Variants in RNF217 observed in about 807,000 individuals in gnomAD.
RNF217 encodes the protein ring finger protein 217.
A neutral mutation model predicts 57.8 loss-of-function variants in RNF217; 31 were observed. That is an observed-to-expected ratio of 0.54 (90% CI 0.40 to 0.72). RNF217 has a LOEUF of 0.72. Among genes scored for constraint, RNF217 ranks in the 30% least tolerant of loss-of-function variants. The pLI, the probability that RNF217 is intolerant of heterozygous loss-of-function variation, is 0.00. For synonymous variants in RNF217, 313 were observed against 294.0 expected (o/e 1.06, Z -0.66); for missense variants, 696 against 708.3 (o/e 0.98, Z 0.20).
chr6:124,976,105 C>G (rs1783945652), intron 1 of RNF217, among the ~76,000 whole-genome samples: 1 of 152,024 alleles, frequency 6.6e-6, no homozygotes, highest in Non-Finnish European at 1.5e-5. Context: ...TATACATAGA[C>G]ATATGTATAC....
At chr6:124,966,895 A>G (rs559978575) in intron 1 of RNF217, among the ~76,000 whole-genome samples, 5 of 152,368 alleles carry the variant, frequency 3.3e-5, no homozygotes, top group Admixed American at 6.5e-5. Context: ...TGCTCTGTAT[A>G]AAATTATAGT....
intron 5 of RNF217, 107 bp from the exon 6 acceptor site, chr6:125,082,756 TC>T (rs1241554648): frequency 1.7e-6 from 2 of 1,144,566 alleles, no homozygotes; most frequent in East Asian, 4.8e-5. Context: ...ATAGATGTCT[TC>T]TTCTTTGTAT....
intron 5 of RNF217, 116 bp downstream of exon 5, chr6:125,081,623 C>A: frequency 1.3e-6 from 1 of 798,454 alleles, no homozygotes; most frequent in Non-Finnish European, 2.0e-6. Flanking sequence ...ATGTTGTATG[C>A]CTGCTTTAGA....
intron 3 of RNF217, among the ~76,000 whole-genome samples, chr6:125,061,758 A>G (rs1787742429): frequency 6.6e-6 from 1 of 151,824 alleles, no homozygotes; most frequent in South Asian, 2.1e-4. Flanking sequence ...ACATATTTTT[A>G]TATATTTACA....
intron 1 of RNF217, among the ~76,000 whole-genome samples, chr6:125,038,846 A>C (rs1786758301): frequency 6.6e-6 from 1 of 152,006 alleles, no homozygotes; most frequent in South Asian, 2.1e-4. Context: ...TTAATTTTTA[A>C]GTTCTGTGAT....
chr6:125,073,484 C>A (rs1332303498), intron 3 of RNF217, among the ~76,000 whole-genome samples: 1 of 152,146 alleles, frequency 6.6e-6, no homozygotes, highest in Non-Finnish European at 1.5e-5. Flanking sequence ...ATCTACAGGC[C>A]TTGCAAAACC....
At position 124,963,448 on chromosome 6, in the gene RNF217, C is replaced by T. The variant is rs565840551; in HGVS notation, c.882+22C>T. 134 of 1,442,144 alleles carry T rather than the reference C, an allele frequency of 9.3e-5. 1 individual carries two copies. The South Asian group carries it at 1.7e-3, about 18-fold the overall frequency. 89.3% of individuals were successfully genotyped at this position (1,442,144 alleles called of 1,614,324 possible). On this transcript the variant is annotated intron_variant, in intron 1 of 5. Transcript: ENST00000521654. ...CCAGGTAACTTCACCCCCTTCTCTT[C>T]CCCATTTATCATTCCAAATCACTGG... is the stretch of plus-strand genomic sequence containing the variant.
chr6:125,029,769 T>G (rs1444686414), intron 1 of RNF217, among the ~76,000 whole-genome samples: 20 of 152,182 alleles, frequency 1.3e-4, no homozygotes, highest in Non-Finnish European at 1.5e-5. Flanking sequence ...TTAAGTAGTT[T>G]TGAAGATGAA....
chr6:125,002,799 A>T (rs1014403042), intron 1 of RNF217, among the ~76,000 whole-genome samples: 3 of 152,066 alleles, frequency 2.0e-5, no homozygotes, highest in African/African-American at 7.2e-5. Flanking sequence ...CTTACTGTGT[A>T]TTGTGGAATC....
chr6:125,081,591 A>G (rs948982965), intron 5 of RNF217, 84 bp downstream of exon 5: 3 of 1,069,374 alleles, frequency 2.8e-6, no homozygotes, highest in Non-Finnish European at 2.8e-6. Flanking sequence ...AATATGAATC[A>G]GTTATTAAGT....
chr6:125,064,948 T>C (rs1787879018), intron 3 of RNF217, among the ~76,000 whole-genome samples: 2 of 151,918 alleles, frequency 1.3e-5, no homozygotes, highest in South Asian at 2.1e-4. Flanking sequence ...ATATAACCAA[T>C]CTCATCAATT....
At position 125,021,500 on chromosome 6, in the gene RNF217, C is replaced by T. The variant is rs545954998; in HGVS notation, c.883-23711C>T. On this transcript the variant is annotated intron_variant, in intron 1 of 5. Coordinates refer to ENST00000521654, the MANE Select transcript of RNF217 (RefSeq NM_001286398.3). ...CAGGCTGGTCTTGAACTCCTGACCT[C>T]GTGATCTACCCACCTCGGCCTCCCA... is the stretch of plus-strand genomic sequence containing the variant. 5.3e-5 allele frequency among the ~76,000 whole-genome samples: 8 copies of T among 151,988 alleles called. No homozygotes were observed. In the East Asian group the frequency reaches 9.8e-4, roughly 19 times the overall value.
chr6:125,003,982 C>T (rs1366788773), intron 1 of RNF217, among the ~76,000 whole-genome samples: 1 of 152,096 alleles, frequency 6.6e-6, no homozygotes, highest in East Asian at 1.9e-4. Flanking sequence ...CAAATGATGT[C>T]AAGTGCTGCA....
intron 1 of RNF217, among the ~76,000 whole-genome samples, chr6:125,032,464 T>A (rs891013540): frequency 2.0e-5 from 3 of 151,634 alleles, no homozygotes; most frequent in Non-Finnish European, 4.4e-5. Context: ...GCCAAATATA[T>A]AAATATATAT....
intron 1 of RNF217, among the ~76,000 whole-genome samples, chr6:124,972,044 C>T (rs925248982): frequency 2.6e-5 from 4 of 152,128 alleles, no homozygotes; most frequent in African/African-American, 9.7e-5. Flanking sequence ...AGTGGATGTC[C>T]CATACATAGC....
At chr6:125,060,805 A>G (rs1787703530) in intron 3 of RNF217, among the ~76,000 whole-genome samples, 1 of 152,174 alleles carries the variant, frequency 6.6e-6, no homozygotes, top group African/African-American at 2.4e-5. Flanking sequence ...AGAAATTTGG[A>G]AAAGAGAGGG....
intron 1 of RNF217, among the ~76,000 whole-genome samples, chr6:125,036,384 C>T (rs947761107): frequency 6.6e-6 from 1 of 152,160 alleles, no homozygotes; most frequent in South Asian, 2.1e-4. Context: ...CTGCAATAAA[C>T]ATACGTGTGC....
At chr6:125,072,144 G>A (rs1788171315) in intron 3 of RNF217, among the ~76,000 whole-genome samples, 1 of 152,118 alleles carries the variant, frequency 6.6e-6, no homozygotes, top group Non-Finnish European at 1.5e-5. Context: ...CTGGTAGTAC[G>A]AGTTTAAAAT....
At chr6:125,010,478 A>C (rs899577660) in intron 1 of RNF217, among the ~76,000 whole-genome samples, 1 of 152,190 alleles carries the variant, frequency 6.6e-6, no homozygotes, top group Non-Finnish European at 1.5e-5. Context: ...TCAAAGGAGC[A>C]TTGTGTTTGG....
Sources: allele counts gnomAD v4.1 joint callset (sites outside exome capture counted in the v4.1 genomes callset), GRCh38; gene constraint gnomAD v4.1.1; transcripts MANE v1.5; gene names NCBI Gene and HGNC (gene_info 2026-07-23, HGNC 2026-07-21).